Variants in TPM4 observed in about 807,000 individuals in gnomAD.
TPM4 encodes tropomyosin alpha-4 chain.
Under a neutral mutation model 35.8 loss-of-function variants are expected in TPM4, and 17 were observed. That is an observed-to-expected ratio of 0.47 (90% confidence interval 0.32 to 0.71). The LOEUF is 0.71. Among genes scored for constraint, TPM4 ranks in the 30% least tolerant of loss-of-function variants. TPM4 has a pLI of 0.03. For synonymous variants in TPM4, 120 were observed against 122.9 expected (o/e 0.98, Z 0.15); for missense variants, 240 against 320.9 (o/e 0.75, Z 1.93).
At chr19:16,079,706 T>C in intron 1 of TPM4, 1 of 158,656 alleles carries the variant, frequency 6.3e-6, no homozygotes, top group East Asian at 1.4e-4. Flanking sequence ...TTCCTAATAA[T>C]TTTTTTTTTT....
At position 16,087,332 on chromosome 19, in the gene TPM4, T is replaced by G. The variant is rs1168168018; in HGVS notation, c.385-695T>G. Among the ~76,000 whole-genome samples the G allele has an allele frequency of 2.0e-5, 3 of 152,062 alleles. No individual in the cohort carries two copies. The East Asian group carries it at 5.8e-4, about 30-fold the overall frequency. ...TGGCTCACGCCGGTAATCCCAGCACTTTGGGAGGCCAAGGCAGGCAGATCA... is the reference window on the plus strand; with the variant it reads ...TGGCTCACGCCGGTAATCCCAGCACGTTGGGAGGCCAAGGCAGGCAGATCA... On this transcript the variant is annotated intron_variant, in intron 3 of 7. Transcript: ENST00000643579.
chr19:16,100,356 C>T (rs1006818950), intron 7 of TPM4: 3 of 152,200 alleles, frequency 2.0e-5, no homozygotes, highest in African/African-American at 7.2e-5. Flanking sequence ...ATATCTCTTG[C>T]ATAAGTACAT....
At chr19:16,076,210 A>AGGCCGGAGCCC (rs2090403260), upstream of TPM4, 2 of 1,549,924 alleles carry the variant, frequency 1.3e-6, no homozygotes, top group Non-Finnish European at 1.7e-6. Flanking sequence ...CGGCGGGGCC[A>AGGCCGGAGCCC]GGCCGGAGCC....
intron 2 of TPM4, among the ~76,000 whole-genome samples, chr19:16,083,870 C>T (rs1470330366): frequency 6.6e-6 from 1 of 151,860 alleles, no homozygotes; most frequent in Non-Finnish European, 1.5e-5. Flanking sequence ...GCGATCCTCC[C>T]GCCACGGCCT....
intron 2 of TPM4, among the ~76,000 whole-genome samples, chr19:16,086,066 C>CT (rs1469674745): frequency 6.7e-5 from 7 of 105,048 alleles, no homozygotes; most frequent in Non-Finnish European, 1.3e-4. Context: ...GAGACTCCAT[C>CT]TCAAAAAAAA....
chr19:16,085,547 CAG>C (rs1270216831), intron 2 of TPM4, among the ~76,000 whole-genome samples: 2 of 152,102 alleles, frequency 1.3e-5, no homozygotes, highest in Admixed American at 6.6e-5. Context: ...ACCTGGGCAA[CAG>C]AGTGAGACAC....
Position 16,076,517 on chromosome 19 carries a change from G to A in TPM4, c.-49G>A, listed in dbSNP as rs1045739225. 2 of 1,392,234 alleles carry A rather than the reference G, an allele frequency of 1.4e-6. No individual in the cohort carries two copies. Among genetic ancestry groups the A allele is most frequent in the East Asian group, 3.1e-5 (1 of 31,884 alleles). The allele number at this position is 1,392,234 out of a possible 1,614,324, so 86.2% of individuals were successfully genotyped here. On this transcript the variant is annotated 5_prime_UTR_variant, in exon 1 of 8. Coordinates refer to ENST00000643579, the MANE Select transcript of TPM4 (RefSeq NM_003290.3). ...GCTGTGCAGCTCTCGCCGGAGCCGA[G>A]CCCAGCCGAGCGTCCGCCGCTGCCC...
chr19:16,076,203 CGGGGCCA>C, upstream of TPM4: 1 of 1,551,466 alleles, frequency 6.4e-7, no homozygotes, highest in Non-Finnish European at 8.7e-7. Context: ...GAGCCCGCGG[CGGGGCCA>C]GGCCGGAGCC....
rs1256507846 is a variant in TPM4 at position 16,101,414 on chromosome 19, G to C, written c.*68G>C. On this transcript the variant is annotated 3_prime_UTR_variant, in exon 8 of 8. Transcript: ENST00000643579. ...CGTGGGTCTTTCTCTTCTCTTGTAA[G>C]AAGTTCCTTTTGTTATTGCCATCTT... The C allele has an allele frequency of 1.6e-6, 2 of 1,253,530 alleles. No homozygotes were observed. Among genetic ancestry groups the C allele is most frequent in the African/African-American group, 3.1e-5 (2 of 64,718 alleles). 77.7% of individuals were successfully genotyped at this position (1,253,530 alleles called of 1,614,324 possible).
At chr19:16,092,424 A>G (rs1307252658) in intron 5 of TPM4, among the ~76,000 whole-genome samples, 1 of 151,884 alleles carries the variant, frequency 6.6e-6, no homozygotes, top group African/African-American at 2.4e-5. Flanking sequence ...TCAAGTTCTC[A>G]GTTTAGGCCT....
chr19:16,088,626 A>C, intron 4 of TPM4: 2 of 1,031,942 alleles, frequency 1.9e-6, no homozygotes, highest in Non-Finnish European at 1.2e-6. Context: ...GCTGAGAGAG[A>C]TCTGGTTTCA....
chr19:16,096,889 G>C (rs1381190965), intron 7 of TPM4, among the ~76,000 whole-genome samples: 1 of 142,588 alleles, frequency 7.0e-6, no homozygotes, highest in Non-Finnish European at 1.5e-5. Flanking sequence ...GGTAATAAAA[G>C]GTCATGCTTT....
intron 1 of TPM4, chr19:16,081,539 G>A (rs1279607687): frequency 1.2e-5 from 2 of 163,650 alleles, no homozygotes; most frequent in Non-Finnish European, 2.6e-5. Context: ...GGAACTACAG[G>A]CACGTGCCAC....
intron 5 of TPM4, among the ~76,000 whole-genome samples, chr19:16,091,185 TGGGA>T (rs1378509181): frequency 1.3e-5 from 2 of 152,038 alleles, no homozygotes; most frequent in Non-Finnish European, 2.9e-5. Flanking sequence ...CCTGAGTAAC[TGGGA>T]ATACAGGCGC....
intron 1 of TPM4, among the ~76,000 whole-genome samples, chr19:16,078,596 A>C (rs2090441650): frequency 6.6e-6 from 1 of 152,148 alleles, no homozygotes; most frequent in African/African-American, 2.4e-5. Context: ...TCTTGCTCTG[A>C]TCTCATCCCA....
At chr19:16,075,888 G>A, upstream of TPM4, 1 of 1,005,326 alleles carries the variant, frequency 9.9e-7, no homozygotes, top group Non-Finnish European at 1.4e-6. Flanking sequence ...AGCATGGATG[G>A]CGTGGTGCAT....
intron 1 of TPM4, chr19:16,081,231 G>A (rs149215708): frequency 2.0e-3 from 774 of 395,392 alleles, no homozygotes; most frequent in Middle Eastern, 7.0e-3. Context: ...AACTCTCTAC[G>A]TGGTAACACT....
Position 16,089,039 on chromosome 19 carries a change from G to C in TPM4, c.456-6G>C. On this transcript the variant is annotated splice_region_variant and splice_polypyrimidine_tract_variant and intron_variant, in intron 4 of 7. Transcript: ENST00000643579. ...TAAGACACAAAAATCCTTTGTCTTT[G>C]TGCAGAAAATGTGGTGACCTGGAAG... is the stretch of plus-strand genomic sequence containing the variant. The C allele has an allele frequency of 6.2e-7, 1 of 1,614,008 alleles. No homozygotes were observed. The highest frequency in any genetic ancestry group is 8.5e-7 in the Non-Finnish European group (1 of 1,179,932).
At chr19:16,082,707 G>GTAGGC (rs2090498165) in intron 2 of TPM4, among the ~76,000 whole-genome samples, 1 of 151,840 alleles carries the variant, frequency 6.6e-6, no homozygotes, top group African/African-American at 2.4e-5. Flanking sequence ...CAAATTTCAG[G>GTAGGC]TAGGCCGGAT....
Sources: gnomAD v4.1 joint callset for allele counts (sites outside exome capture counted in the v4.1 genomes callset) on GRCh38, gnomAD v4.1.1 for gene constraint, MANE v1.5 for transcripts, NCBI Gene and HGNC (gene_info 2026-07-23, HGNC 2026-07-21) for gene names.